The following PAX5 variants were observed in gnomAD, a reference collection of about 807,000 sequenced individuals.
PAX5 encodes paired box 5, also known as paired box protein Pax-5.
A neutral mutation model predicts 43.7 loss-of-function variants in PAX5; 9 were observed. The observed-to-expected ratio is 0.21, with a 90% CI of 0.12 to 0.36. The LOEUF (loss-of-function observed/expected upper bound fraction) is 0.36. PAX5 is among the 10% of genes least tolerant of loss of function. The pLI is 1.00. For missense variants in PAX5, 383 were observed against 532.7 expected, an observed-to-expected ratio of 0.72 and a Z score of 2.77; for synonymous variants, 228 against 214.3, an observed-to-expected ratio of 1.06 and a Z score of -0.56.
chr9:37,020,798 T>C lies in PAX5; in HGVS notation c.50A>G (p.His17Arg). 1.2e-6 allele frequency: 2 copies of C among 1,614,080 alleles called. No homozygotes were observed. Among genetic ancestry groups the C allele is most frequent in the Middle Eastern group, 1.6e-4 (1 of 6,062 alleles). The change falls in exon 2 of 10, where the codon CAT (histidine) becomes CGT (arginine). Residue 17 changes from histidine (H) to arginine (R), a missense_variant. By Grantham distance (29) the His-to-Arg change is conservative (BLOSUM62 0). Coordinates refer to ENST00000358127, the MANE Select transcript of PAX5 (RefSeq NM_016734.3). ...CCCCCCAAGCTGATTCACTCCTCCATGTCCTGAAACAGATCAGAAACAAAA... is the reference window on the plus strand; with the variant it reads ...CCCCCCAAGCTGATTCACTCCTCCACGTCCTGAAACAGATCAGAAACAAAA... ...YPTPRTSRTG[H>R]GGVNQLGGVF...
At chr9:36,918,693 C>T (rs1829905109) in intron 7 of PAX5, among the ~76,000 whole-genome samples, 1 of 152,106 alleles carries the variant, frequency 6.6e-6, no homozygotes, top group African/African-American at 2.4e-5. Flanking sequence ...TCAAACCAGC[C>T]ACAACATTCC....
intron 5 of PAX5, among the ~76,000 whole-genome samples, chr9:36,996,555 G>A (rs1837411777): frequency 6.6e-6 from 1 of 152,136 alleles, no homozygotes; most frequent in African/African-American, 2.4e-5. Flanking sequence ...ATCCCTTCTG[G>A]GAGCTCTGAG....
intron 6 of PAX5, among the ~76,000 whole-genome samples, chr9:36,965,819 T>A (rs1834379071): frequency 6.6e-6 from 1 of 152,104 alleles, no homozygotes; most frequent in Non-Finnish European, 1.5e-5. Flanking sequence ...ACACACTGGG[T>A]GTCAGGAAAT....
At chr9:37,030,510 G>A (rs986697830) in intron 1 of PAX5, among the ~76,000 whole-genome samples, 10 of 152,200 alleles carry the variant, frequency 6.6e-5, no homozygotes, top group Non-Finnish European at 1.5e-4. Context: ...AACGCAGTCG[G>A]GCCTCACTCT....
chr9:36,910,537 C>G (rs1399336062), intron 7 of PAX5, among the ~76,000 whole-genome samples: 1 of 152,058 alleles, frequency 6.6e-6, no homozygotes, highest in Non-Finnish European at 1.5e-5. Flanking sequence ...CTATGCAAAT[C>G]AAAGCACCTT....
chr9:36,869,175 G>T (rs1359202090), intron 8 of PAX5, among the ~76,000 whole-genome samples: 1 of 152,186 alleles, frequency 6.6e-6, no homozygotes, highest in East Asian at 1.9e-4. Context: ...TCAGGGTCTT[G>T]GAGACAGGGG....
At chr9:37,029,786 A>C (rs1840791233) in intron 1 of PAX5, among the ~76,000 whole-genome samples, 1 of 152,132 alleles carries the variant, frequency 6.6e-6, no homozygotes. Context: ...GGTTCTCTAG[A>C]TTCTTAGAGC....
intron 6 of PAX5, among the ~76,000 whole-genome samples, chr9:36,951,856 G>C (rs543510893): frequency 2.0e-5 from 3 of 152,066 alleles, no homozygotes; most frequent in Middle Eastern, 6.8e-3. Flanking sequence ...TTACCATAAT[G>C]GTTACCCTTT....
At position 36,928,428 on chromosome 9, in the gene PAX5, T is replaced by C. The variant is rs190485946; in HGVS notation, c.781-4944A>G. Among the ~76,000 whole-genome samples the C allele has an allele frequency of 2.2e-4, 33 of 152,322 alleles. No individual in the cohort carries two copies. In the East Asian group the frequency reaches 6.0e-3, roughly 28 times the overall value. ...AAACAATCTCTCCCTTGTCTATGCT[T>C]CCATACTTGGTGGCTTTTTGCACAG... On this transcript the variant is annotated intron_variant, in intron 6 of 9. Transcript: ENST00000358127.
intron 8 of PAX5, among the ~76,000 whole-genome samples, chr9:36,865,094 AGGC>A (rs1430602559): frequency 6.6e-6 from 1 of 152,220 alleles, no homozygotes; most frequent in Non-Finnish European, 1.5e-5. Context: ...TTTCCAAAGC[AGGC>A]AGCCATTCAG....
At chr9:36,919,839 C>CAAAAAA (rs61173333) in intron 7 of PAX5, among the ~76,000 whole-genome samples, 29 of 66,214 alleles carry the variant, frequency 4.4e-4, no homozygotes, top group Non-Finnish European at 4.9e-4. Context: ...GACTCTGTCT[C>CAAAAAA]AAAAAAAAAA....
chr9:36,850,481 C>T lies in PAX5; in HGVS notation c.1013-3552G>A, dbSNP rs570045842. On this transcript the variant is annotated intron_variant, in intron 8 of 9. Coordinates refer to ENST00000358127, the MANE Select transcript of PAX5 (RefSeq NM_016734.3). ...TGCTTCTGTCTTTTGTTGCGGCCTC[C>T]GGAGGTGCAGCCAACAGGCCCAAGA... Among the ~76,000 whole-genome samples the T allele has an allele frequency of 7.3e-4, 111 of 152,306 alleles. 2 individuals are homozygous for T. Among genetic ancestry groups the T allele is most frequent in the Admixed American group, 3.2e-3 (49 of 15,300 alleles).
At chr9:36,854,884 T>C (rs1157080384) in intron 8 of PAX5, among the ~76,000 whole-genome samples, 1 of 152,206 alleles carries the variant, frequency 6.6e-6, no homozygotes. Context: ...GTCTCACTTC[T>C]GTTTCTCCCG....
intron 7 of PAX5, among the ~76,000 whole-genome samples, chr9:36,894,477 A>G (rs965706701): frequency 4.6e-5 from 7 of 152,196 alleles, no homozygotes; most frequent in Non-Finnish European, 7.3e-5. Flanking sequence ...AAAGGGGGCC[A>G]TGTGGGATGG....
At chr9:36,868,048 G>A (rs1403796546) in intron 8 of PAX5, among the ~76,000 whole-genome samples, 5 of 152,118 alleles carry the variant, frequency 3.3e-5, no homozygotes, top group Admixed American at 6.5e-5. Flanking sequence ...GGATGAGGGC[G>A]AGAGGCAAGT....
chr9:36,894,769 C>G (rs986850054), intron 7 of PAX5, among the ~76,000 whole-genome samples: 2 of 152,250 alleles, frequency 1.3e-5, no homozygotes, highest in African/African-American at 4.8e-5. Flanking sequence ...CAGCCACCCT[C>G]GGGCCATCCC....
intron 8 of PAX5, among the ~76,000 whole-genome samples, chr9:36,868,969 A>T (rs1203444120): frequency 6.6e-6 from 1 of 152,188 alleles, no homozygotes; most frequent in Admixed American, 6.5e-5. Context: ...TTGTTGGTAG[A>T]ATGAGCTTAC....
At chr9:37,028,443 G>A (rs1840647180) in intron 1 of PAX5, among the ~76,000 whole-genome samples, 3 of 152,236 alleles carry the variant, frequency 2.0e-5, no homozygotes. Flanking sequence ...AGACGTTGGG[G>A]GAAGGGGGAG....
At chr9:36,900,659 GTCC>G (rs1333162815) in intron 7 of PAX5, among the ~76,000 whole-genome samples, 1 of 151,696 alleles carries the variant, frequency 6.6e-6, no homozygotes, top group Non-Finnish European at 1.5e-5. Flanking sequence ...CCTCCATGGC[GTCC>G]TCCTCCTCAG....
Sources: allele counts gnomAD v4.1 joint callset (sites outside exome capture counted in the v4.1 genomes callset), GRCh38; gene constraint gnomAD v4.1.1; transcripts MANE v1.5; gene names NCBI Gene and HGNC (gene_info 2026-07-23, HGNC 2026-07-21).